The following NIBAN1 variants were observed in gnomAD, a reference collection of about 807,000 sequenced individuals.
NIBAN1 encodes the protein protein Niban 1.
Under a neutral mutation model 75.1 loss-of-function variants are expected in NIBAN1, and 81 were observed. The observed-to-expected ratio is 1.08, with a 90% CI of 0.90 to 1.30. The LOEUF is 1.30. NIBAN1 is among the 50% of genes most tolerant of loss of function. The pLI, the probability that NIBAN1 is intolerant of heterozygous loss-of-function variation, is 0.00. For missense variants in NIBAN1, 1,133 were observed against 1,128.1 expected (o/e 1.00, Z -0.06); for synonymous variants, 436 against 424.8 (o/e 1.03, Z -0.32).
intron 10 of NIBAN1, among the ~76,000 whole-genome samples, chr1:184,807,263 A>G (rs1654226696): frequency 6.6e-6 from 1 of 151,844 alleles, no homozygotes; most frequent in African/African-American, 2.4e-5. Context: ...AGGAAACACT[A>G]TAATACGGAA....
chr1:184,946,579 G>A (rs1275731460), intron 1 of NIBAN1, among the ~76,000 whole-genome samples: 2 of 152,148 alleles, frequency 1.3e-5, no homozygotes, highest in African/African-American at 4.8e-5. Flanking sequence ...GGGAAGTCTT[G>A]AAATTTCATG....
At chr1:184,920,867 C>G (rs760770296) in intron 1 of NIBAN1, among the ~76,000 whole-genome samples, 4 of 152,124 alleles carry the variant, frequency 2.6e-5, no homozygotes, top group African/African-American at 4.8e-5. Context: ...GGCACGGTGG[C>G]TCACGCCTGT....
intron 5 of NIBAN1, among the ~76,000 whole-genome samples, chr1:184,844,924 A>G (rs1319972093): frequency 6.6e-6 from 1 of 152,228 alleles, no homozygotes; most frequent in African/African-American, 2.4e-5. Context: ...GGGGCAGTAT[A>G]CAATTTAGTC....
chr1:184,806,805 A>T (rs1188999134), intron 10 of NIBAN1, among the ~76,000 whole-genome samples: 1 of 128,708 alleles, frequency 7.8e-6, no homozygotes. Flanking sequence ...TCACTTTGTC[A>T]TCCAGGCTGG....
In NIBAN1 at chr1:184,845,876, A is replaced by T. The variant is rs533647568; in HGVS notation, c.602-13914T>A. Among the ~76,000 whole-genome samples, 2 of 81,986 alleles carry T rather than the reference A, an allele frequency of 2.4e-5. 1 individual carries two copies. The highest frequency in any genetic ancestry group is 7.1e-4 in the South Asian group (2 of 2,798). The allele number at this position is 81,986 out of a possible 152,430, so 53.8% of individuals were successfully genotyped here. On this transcript the variant is annotated intron_variant, in intron 5 of 13. Coordinates refer to ENST00000367511, the MANE Select transcript of NIBAN1 (RefSeq NM_052966.4). ...GAAAGGGGTGACGGACGCACCTGGA[A>T]AATCGGGTCACTCCCACCCGAATAT...
chr1:184,825,133 T>C (rs1654809528), intron 6 of NIBAN1, among the ~76,000 whole-genome samples: 1 of 152,076 alleles, frequency 6.6e-6, no homozygotes, highest in African/African-American at 2.4e-5. Flanking sequence ...CTTTTTTAGA[T>C]TGTGGATCTC....
intron 5 of NIBAN1, among the ~76,000 whole-genome samples, chr1:184,873,898 T>C (rs954691801): frequency 2.6e-5 from 4 of 152,116 alleles, no homozygotes; most frequent in Non-Finnish European, 5.9e-5. Context: ...TCTACAGTGG[T>C]AAAAATGCAG....
Position 184,957,826 on chromosome 1 carries a change from G to A in NIBAN1, c.55+16476C>T, listed in dbSNP as rs186595646. Among the ~76,000 whole-genome samples, 3 of 152,188 alleles carry A rather than the reference G, an allele frequency of 2.0e-5. No homozygotes were observed. The East Asian group carries it at 5.8e-4, about 29-fold the overall frequency. On this transcript the variant is annotated intron_variant, in intron 1 of 13. Coordinates refer to ENST00000367511, the MANE Select transcript of NIBAN1 (RefSeq NM_052966.4). ...GAAATTATCGTGCCTGTTTTCCAAA[G>A]GTGAAAGCTCCATTTATTTATTTTT...
intron 2 of NIBAN1, among the ~76,000 whole-genome samples, chr1:184,895,006 TTTTCCC>T (rs1255688280): frequency 6.6e-6 from 1 of 152,178 alleles, no homozygotes; most frequent in African/African-American, 2.4e-5. Flanking sequence ...TTTACATCTA[TTTTCCC>T]TTTATTAAAA....
chr1:184,925,275 C>G (rs1390415966), intron 1 of NIBAN1, among the ~76,000 whole-genome samples: 1 of 151,762 alleles, frequency 6.6e-6, no homozygotes, highest in East Asian at 1.9e-4. Flanking sequence ...TTTTTCCATC[C>G]CTTTATTTTC....
intron 5 of NIBAN1, among the ~76,000 whole-genome samples, chr1:184,868,889 T>C (rs1656026120): frequency 6.6e-6 from 1 of 152,160 alleles, no homozygotes; most frequent in African/African-American, 2.4e-5. Flanking sequence ...CCAGCTGTCT[T>C]ACCAGCTGCC....
At chr1:184,919,905 T>A (rs1657486427) in intron 1 of NIBAN1, among the ~76,000 whole-genome samples, 1 of 151,818 alleles carries the variant, frequency 6.6e-6, no homozygotes, top group South Asian at 2.1e-4. Flanking sequence ...AGAAATTTCC[T>A]TTTTTCAGGG....
Position 184,794,772 on chromosome 1 carries a change from A to G in NIBAN1, c.*205T>C, listed in dbSNP as rs1413435782. 4.5e-5 allele frequency: 30 copies of G among 664,386 alleles called. No homozygotes were observed. The highest frequency in any genetic ancestry group is 6.7e-5 in the Non-Finnish European group (26 of 389,222). The allele number at this position is 664,386 out of a possible 1,614,324, so 41.2% of individuals were successfully genotyped here. On this transcript the variant is annotated 3_prime_UTR_variant, in exon 14 of 14. Transcript: ENST00000367511. ...TCTTTGTAATTCTTATTAAAATACT[A>G]AAGCAAAAATTCATCGTAGAACAAT...
intron 2 of NIBAN1, among the ~76,000 whole-genome samples, chr1:184,894,657 A>G (rs973588010): frequency 6.6e-6 from 1 of 152,066 alleles, no homozygotes; most frequent in Non-Finnish European, 1.5e-5. Flanking sequence ...TATCCATTAC[A>G]CCTGCCGATG....
At chr1:184,855,677 C>T (rs1655659017) in intron 5 of NIBAN1, among the ~76,000 whole-genome samples, 1 of 152,152 alleles carries the variant, frequency 6.6e-6, no homozygotes. Context: ...AATTTCTTTA[C>T]TGTGTTCATG....
intron 1 of NIBAN1, among the ~76,000 whole-genome samples, chr1:184,943,483 G>T (rs1462310435): frequency 6.6e-6 from 1 of 152,116 alleles, no homozygotes; most frequent in Non-Finnish European, 1.5e-5. Flanking sequence ...AAGCAAAGAG[G>T]TTGTATTTGG....
chr1:184,880,388 G>T (rs538726767), intron 5 of NIBAN1, among the ~76,000 whole-genome samples: 1 of 152,318 alleles, frequency 6.6e-6, no homozygotes, highest in Non-Finnish European at 1.5e-5. Context: ...TGATGAAGTT[G>T]CTCATTTACT....
intron 4 of NIBAN1, among the ~76,000 whole-genome samples, chr1:184,889,593 A>G (rs540796112): frequency 6.6e-6 from 1 of 152,280 alleles, no homozygotes; most frequent in East Asian, 1.9e-4. Flanking sequence ...GGGATTGTAT[A>G]TTTCATGGAC....
intron 1 of NIBAN1, among the ~76,000 whole-genome samples, chr1:184,943,765 C>T (rs1235608916): frequency 6.6e-6 from 1 of 151,998 alleles, no homozygotes; most frequent in Non-Finnish European, 1.5e-5. Context: ...AATCTTTGCT[C>T]ATATAAGTGG....
Sources: allele counts gnomAD v4.1 joint callset (sites outside exome capture counted in the v4.1 genomes callset), GRCh38; gene constraint gnomAD v4.1.1; transcripts MANE v1.5; gene names NCBI Gene and HGNC (gene_info 2026-07-23, HGNC 2026-07-21).